LARGE1: variants seen among roughly 807,000 people sequenced by gnomAD.
LARGE1 encodes the protein xylosyl- and glucuronyltransferase LARGE1.
Under a neutral mutation model 87.6 loss-of-function variants are expected in LARGE1, and 43 were observed. That is an observed-to-expected ratio of 0.49 (90% CI 0.38 to 0.63). The LOEUF is 0.63. LARGE1 is among the 30% of genes least tolerant of loss of function. The pLI, the probability that LARGE1 is intolerant of heterozygous loss-of-function variation, is 0.00. For missense variants in LARGE1, 802 were observed against 1,000.2 expected (o/e 0.80, Z 2.67); for synonymous variants, 434 against 394.6 (o/e 1.10, Z -1.18).
intron 6 of LARGE1, among the ~76,000 whole-genome samples, chr22:33,526,040 A>C (rs1569239148): frequency 6.6e-6 from 1 of 152,232 alleles, no homozygotes; most frequent in Non-Finnish European, 1.5e-5. Flanking sequence ...CCAAGTATCT[A>C]TCAACTGATG....
At chr22:33,564,528 C>T (rs1456952209) in intron 6 of LARGE1, among the ~76,000 whole-genome samples, 2 of 152,146 alleles carry the variant, frequency 1.3e-5, no homozygotes, top group African/African-American at 2.4e-5. Context: ...GACTATCCTT[C>T]GATAAAAAGA....
chr22:33,191,945 T>C (rs568671774), intron 11 of LARGE1, among the ~76,000 whole-genome samples: 13 of 152,328 alleles, frequency 8.5e-5, no homozygotes, highest in Non-Finnish European at 2.9e-5. Context: ...AACTGGGCTC[T>C]TATATGACTT....
chr22:33,359,003 A>G (rs2064283387), intron 9 of LARGE1, among the ~76,000 whole-genome samples: 1 of 151,980 alleles, frequency 6.6e-6, no homozygotes, highest in Admixed American at 6.6e-5. Context: ...ATCTTAAAAA[A>G]AAAAAAAAAA....
intron 3 of LARGE1, among the ~76,000 whole-genome samples, chr22:33,646,377 T>G (rs756931364): frequency 5.3e-5 from 8 of 151,344 alleles, no homozygotes; most frequent in Non-Finnish European, 1.2e-4. Flanking sequence ...TAAGTGGGAG[T>G]TGAACAATGA....
intron 1 of LARGE1, among the ~76,000 whole-genome samples, chr22:33,916,537 A>T (rs1031136423): frequency 6.6e-6 from 1 of 152,144 alleles, no homozygotes; most frequent in Non-Finnish European, 1.5e-5. Context: ...ACACCTCTCA[A>T]TGGCAAATAC....
chr22:33,452,332 G>A (rs1275142964), intron 6 of LARGE1, among the ~76,000 whole-genome samples: 3 of 152,128 alleles, frequency 2.0e-5, no homozygotes, highest in African/African-American at 4.8e-5. Context: ...AAAGGGGGAG[G>A]GGCTTGGGGA....
the LARGE1 span, among the ~76,000 whole-genome samples, chr22:33,068,993 T>C: frequency 6.6e-6 from 1 of 152,210 alleles, no homozygotes; most frequent in Non-Finnish European, 1.5e-5. Context: ...AGTGGTGGCC[T>C]GTTTGACTGT....
At chr22:33,847,873 C>T (rs1443490615) in intron 1 of LARGE1, among the ~76,000 whole-genome samples, 1 of 152,212 alleles carries the variant, frequency 6.6e-6, no homozygotes. Context: ...TTTCTCCTCC[C>T]TCCAAATAGC....
At chr22:33,268,839 T>C (rs148452060), downstream of LARGE1, among the ~76,000 whole-genome samples, 702 of 152,342 alleles carry the variant, frequency 4.6e-3, 7 homozygotes, top group African/African-American at 0.016. Flanking sequence ...GACCCACATA[T>C]TGAATCATCT....
chr22:33,883,625 G>C (rs1341226472), intron 1 of LARGE1, among the ~76,000 whole-genome samples: 2 of 152,216 alleles, frequency 1.3e-5, no homozygotes, highest in Non-Finnish European at 2.9e-5. Context: ...TTTCCTAGGG[G>C]CTTGCGCCCT....
At chr22:33,567,843 G>T (rs751781330) in intron 5 of LARGE1, among the ~76,000 whole-genome samples, 3 of 152,004 alleles carry the variant, frequency 2.0e-5, no homozygotes, top group African/African-American at 7.3e-5. Context: ...GCTTCCATCT[G>T]TAAGTGAGAA....
chr22:33,811,571 C>T (rs1304393339), intron 1 of LARGE1, among the ~76,000 whole-genome samples: 1 of 152,126 alleles, frequency 6.6e-6, no homozygotes, highest in Non-Finnish European at 1.5e-5. Flanking sequence ...CCCAAATATT[C>T]GCAACGTGGA....
At chr22:33,814,350 TCCTG>T in intron 1 of LARGE1, among the ~76,000 whole-genome samples, 1 of 152,332 alleles carries the variant, frequency 6.6e-6, no homozygotes, top group Admixed American at 6.5e-5. Flanking sequence ...ATACTTTGGT[TCCTG>T]ACATATCAGT....
the LARGE1 span, chr22:33,105,445 A>T: frequency 1.3e-5 from 2 of 152,222 alleles, no homozygotes; most frequent in Admixed American, 1.3e-4. Context: ...CCACCCGCCC[A>T]GGCTGGCCAG....
chr22:33,648,019 A>G (rs2080673694), intron 3 of LARGE1, among the ~76,000 whole-genome samples: 1 of 152,178 alleles, frequency 6.6e-6, no homozygotes, highest in African/African-American at 2.4e-5. Flanking sequence ...GGACTCCCAA[A>G]GTGCTGGGAT....
intron 9 of LARGE1, 133 bp downstream of exon 9, chr22:33,381,786 T>C: frequency 8.3e-7 from 1 of 1,208,496 alleles, no homozygotes; most frequent in African/African-American, 1.5e-5. Flanking sequence ...ATGAAAAGCA[T>C]ACTCATTCTG....
the LARGE1 span, among the ~76,000 whole-genome samples, chr22:33,121,998 C>T: frequency 3.9e-5 from 6 of 152,098 alleles, no homozygotes; most frequent in Non-Finnish European, 5.9e-5. Flanking sequence ...TCCCATGACA[C>T]GTGGGAATTA....
chr22:33,633,312 C>T (rs1270258164), intron 3 of LARGE1, among the ~76,000 whole-genome samples: 3 of 152,094 alleles, frequency 2.0e-5, no homozygotes, highest in Admixed American at 1.3e-4. Context: ...GCAGGGAGAG[C>T]ATCTTGGAGG....
At chr22:33,848,549 T>C (rs2063496758) in intron 1 of LARGE1, among the ~76,000 whole-genome samples, 1 of 151,710 alleles carries the variant, frequency 6.6e-6, no homozygotes, top group African/African-American at 2.4e-5. Context: ...TGACTCAAAC[T>C]CTGCCTTACT....
Sources: allele counts gnomAD v4.1 joint callset (sites outside exome capture counted in the v4.1 genomes callset), GRCh38; gene constraint gnomAD v4.1.1; transcripts MANE v1.5; gene names NCBI Gene and HGNC (gene_info 2026-07-23, HGNC 2026-07-21).